FA2H: variants seen among roughly 807,000 people sequenced by gnomAD.
The protein encoded by FA2H is fatty acid 2-hydroxylase.
FA2H carries 22 observed loss-of-function variants against 44.9 expected under a neutral mutation model. The observed-to-expected ratio is 0.49, with a 90% CI of 0.35 to 0.70. FA2H has a LOEUF of 0.70. FA2H is among the 30% of genes least tolerant of loss of function. The pLI, the probability that FA2H is intolerant of heterozygous loss-of-function variation, is 0.01. For synonymous variants in FA2H, 243 were observed against 213.2 expected (o/e 1.14, Z -1.22); for missense variants, 501 against 504.9 (o/e 0.99, Z 0.07).
At chr16:74,757,757 C>T (rs1174744363) in intron 1 of FA2H, among the ~76,000 whole-genome samples, 1 of 152,124 alleles carries the variant, frequency 6.6e-6, no homozygotes, top group Non-Finnish European at 1.5e-5. Context: ...TGGCACATGC[C>T]TGTAATCCTG....
intron 2 of FA2H, among the ~76,000 whole-genome samples, chr16:74,732,375 T>C (rs1962089311): frequency 6.6e-6 from 1 of 152,218 alleles, no homozygotes; most frequent in Non-Finnish European, 1.5e-5. Context: ...TTTAATCTAT[T>C]GATCTATTTT....
In FA2H at chr16:74,727,253, T is replaced by G. The variant is rs746605230; in HGVS notation, c.497A>C (p.Lys166Thr). ...FHSDLIEGLS[K>T]TVWYSVPIIW... is the part of the protein sequence containing the mutation. Reference sequence around the variant, plus strand: ...TCAGGGAAGAGCTCACCAGACAGTCTTAGAGAGGCCCTCAATGAGGTCTGA... The same window carrying G: ...TCAGGGAAGAGCTCACCAGACAGTCGTAGAGAGGCCCTCAATGAGGTCTGA... Residue 166 changes from lysine (K) to threonine (T), a missense_variant, in exon 3 of 7, where the codon AAG (lysine) becomes ACG (threonine). By Grantham distance (78) the Lys-to-Thr change is moderately conservative. Coordinates refer to ENST00000219368, the MANE Select transcript of FA2H (RefSeq NM_024306.5). 6 of 1,614,016 alleles carry G rather than the reference T, an allele frequency of 3.7e-6. No homozygotes were observed. In the South Asian group the frequency reaches 6.6e-5, roughly 18 times the overall value.
intron 2 of FA2H, among the ~76,000 whole-genome samples, chr16:74,733,417 T>C (rs939890322): frequency 2.6e-5 from 4 of 152,052 alleles, no homozygotes; most frequent in Non-Finnish European, 5.9e-5. Flanking sequence ...ATAGGATTGG[T>C]TGGGCCTGAA....
chr16:74,740,073 T>C lies in FA2H; in HGVS notation c.313A>G (p.Lys105Glu). The C allele has an allele frequency of 1.2e-6, 2 of 1,614,086 alleles. No homozygotes were observed. The highest frequency in any genetic ancestry group is 1.7e-6 in the Non-Finnish European group (2 of 1,179,984). Residue 105 changes from lysine to glutamate, a missense_variant, in exon 2 of 7, where the codon AAG becomes GAG. Physicochemically the swap from Lys to Glu is moderately conservative, Grantham distance 56 (BLOSUM62 1). Transcript: ENST00000219368. Reference sequence around the variant, plus strand: ...CGTGGTTCCATAGCAGGATCTGTCTTCTGAGTTTCCTCAAGGGCTACAGGC... The same window carrying C: ...CGTGGTTCCATAGCAGGATCTGTCTCCTGAGTTTCCTCAAGGGCTACAGGC... Reference protein sequence around the residue: ...NEPVALEETQKTDPAMEPRFK... With the variant: ...NEPVALEETQETDPAMEPRFK...
Position 74,774,489 on chromosome 16 carries a change from C to T in FA2H, c.267G>A (p.Gln89=). The T allele has an allele frequency of 6.6e-7, 1 of 1,515,854 alleles. No individual in the cohort carries two copies. 93.9% of individuals were successfully genotyped at this position (1,515,854 alleles called of 1,614,324 possible). Residue 89 remains glutamine (Q), a synonymous_variant, in exon 1 of 7, where the codon CAG becomes CAA. Transcript: ENST00000219368. The stretch of plus-strand genomic sequence containing the variant: ...GGGGGCCCCGGCCCGGCTGTACCTG[C>T]TGCTCCCCGCGGAGCTCTCCCACGT... ...QYYVGELRGE[Q]QGSMENEPVA...
Position 74,727,211 on chromosome 16 carries a change from G to C in FA2H, c.506+33C>G, listed in dbSNP as rs199761924. 1.6e-4 allele frequency: 266 copies of C among 1,613,638 alleles called. 2 individuals are homozygous for C. The African/African-American group carries it at 3.2e-3, about 19-fold the overall frequency. ...CTGATTGGCACCGTCAGAAGAGAGG[G>C]ACAGCCTGCCACAGGCTCAGGGAAG... On this transcript the variant is annotated intron_variant, in intron 3 of 6. Transcript: ENST00000219368.
In FA2H at chr16:74,726,273, G is replaced by A. The variant is rs765086319; in HGVS notation, c.565C>T (p.Arg189Ter). The change falls in exon 4 of 7, where the codon CGA becomes TGA. Residue 189 changes from arginine (R) to a stop codon, truncating the protein, a stop_gained. Coordinates refer to ENST00000219368, the MANE Select transcript of FA2H (RefSeq NM_024306.5). LOFTEE classifies it high-confidence loss of function. Reference sequence around the variant, plus strand: ...CGGACGTTGCCCTGGGCAAAGGTTCGGTAGTAGGACCAGCTGAGATACAGC... The same window carrying A: ...CGGACGTTGCCCTGGGCAAAGGTTCAGTAGTAGGACCAGCTGAGATACAGC... ...LVLYLSWSYY[R>*]TFAQGNVRLF... The A allele has an allele frequency of 5.6e-6, 9 of 1,614,068 alleles. No individual in the cohort carries two copies. The highest frequency in any genetic ancestry group is 3.3e-5 in the Admixed American group (2 of 60,024).
chr16:74,750,144 C>A (rs760135953), intron 1 of FA2H, among the ~76,000 whole-genome samples: 1 of 152,228 alleles, frequency 6.6e-6, no homozygotes, highest in African/African-American at 2.4e-5. Flanking sequence ...GCTGAGACCA[C>A]TTCTGGACCG....
Position 74,727,260 on chromosome 16 carries a change from G to A in FA2H, c.490C>T (p.Leu164Phe), listed in dbSNP as rs770624203. 6.2e-7 allele frequency: 1 copy of A among 1,614,100 alleles called. No homozygotes were observed. Among genetic ancestry groups the A allele is most frequent in the Admixed American group, 1.7e-5 (1 of 60,012 alleles). The stretch of plus-strand genomic sequence containing the variant: ...AGAGCTCACCAGACAGTCTTAGAGA[G>A]GCCCTCAATGAGGTCTGAGTGGAAG... Reference protein sequence around the residue: ...RLFHSDLIEGLSKTVWYSVPI... With the variant: ...RLFHSDLIEGFSKTVWYSVPI... Residue 164 changes from leucine to phenylalanine, a missense_variant, in exon 3 of 7, where the codon CTC (leucine) becomes TTC (phenylalanine). Coordinates refer to ENST00000219368, the MANE Select transcript of FA2H (RefSeq NM_024306.5).
At chr16:74,767,369 A>T (rs1181751026) in intron 1 of FA2H, among the ~76,000 whole-genome samples, 1 of 152,114 alleles carries the variant, frequency 6.6e-6, no homozygotes, top group Non-Finnish European at 1.5e-5. Flanking sequence ...GAGAAGTGAG[A>T]GAAACTAACA....
intron 1 of FA2H, among the ~76,000 whole-genome samples, chr16:74,749,913 G>T (rs530630290): frequency 6.6e-6 from 1 of 152,332 alleles, no homozygotes; most frequent in East Asian, 1.9e-4. Flanking sequence ...GAGGCCCCCA[G>T]GGAAAGTCTC....
At chr16:74,762,325 G>A (rs371298736) in intron 1 of FA2H, among the ~76,000 whole-genome samples, 57 of 152,278 alleles carry the variant, frequency 3.7e-4, no homozygotes, top group African/African-American at 9.1e-4. Flanking sequence ...TTACAGGCGT[G>A]AGCCACCGTG....
intron 1 of FA2H, among the ~76,000 whole-genome samples, chr16:74,751,607 G>T (rs1441155614): frequency 6.6e-6 from 1 of 151,876 alleles, no homozygotes; most frequent in Admixed American, 6.6e-5. Context: ...CACAGGTAAG[G>T]GACAGCACTG....
intron 1 of FA2H, among the ~76,000 whole-genome samples, chr16:74,764,322 C>T (rs139868944): frequency 1.1e-3 from 167 of 152,248 alleles, no homozygotes; most frequent in African/African-American, 3.8e-3. Flanking sequence ...TCAACCCAAA[C>T]GCCCATCAAT....
chr16:74,729,173 C>T (rs967311608), intron 2 of FA2H, among the ~76,000 whole-genome samples: 8 of 152,270 alleles, frequency 5.3e-5, no homozygotes, highest in Admixed American at 2.6e-4. Context: ...ACCTCGCCCG[C>T]TAATTTTTTG....
At chr16:74,745,546 G>A (rs1415783255) in intron 1 of FA2H, among the ~76,000 whole-genome samples, 2 of 152,228 alleles carry the variant, frequency 1.3e-5, no homozygotes, top group Admixed American at 6.5e-5. Flanking sequence ...CCAAGGAGAC[G>A]GGGTCAGCAG....
At chr16:74,734,498 G>A (rs1451242356) in intron 2 of FA2H, among the ~76,000 whole-genome samples, 1 of 152,238 alleles carries the variant, frequency 6.6e-6, no homozygotes, top group African/African-American at 2.4e-5. Context: ...CCGACTGTGT[G>A]GGGTCCATGC....
At chr16:74,744,994 G>T (rs769330181) in intron 1 of FA2H, among the ~76,000 whole-genome samples, 1 of 152,180 alleles carries the variant, frequency 6.6e-6, no homozygotes, top group African/African-American at 2.4e-5. Context: ...AAGTGTTGAT[G>T]AGTGTGGCTT....
At chr16:74,769,042 T>C (rs1301990896) in intron 1 of FA2H, among the ~76,000 whole-genome samples, 2 of 152,090 alleles carry the variant, frequency 1.3e-5, no homozygotes, top group African/African-American at 2.4e-5. Context: ...CTGGCAGTTA[T>C]CATCGCTCTG....
Sources: allele counts gnomAD v4.1 joint callset (sites outside exome capture counted in the v4.1 genomes callset), GRCh38; gene constraint gnomAD v4.1.1; transcripts MANE v1.5; gene names NCBI Gene and HGNC (gene_info 2026-07-23, HGNC 2026-07-21).